CTNND2: variants seen among roughly 807,000 people sequenced by gnomAD.
The protein encoded by CTNND2 is catenin delta-2.
In CTNND2, 22 loss-of-function variants were observed where a neutral mutation model predicts 144.4. The ratio of observed to expected loss-of-function variants is 0.15; its 90% CI spans 0.11 to 0.22. The LOEUF is 0.22. Among genes scored for constraint, CTNND2 ranks in the 10% least tolerant of loss-of-function variants. The probability of loss-of-function intolerance (pLI) is 1.00; values close to 1 mark genes in which losing one functional copy is unlikely to be tolerated. For missense variants in CTNND2, 1,353 were observed against 1,618.8 expected, an observed-to-expected ratio of 0.84 and a Z score of 2.82; for synonymous variants, 751 against 695.6, an observed-to-expected ratio of 1.08 and a Z score of -1.25.
intron 3 of CTNND2, among the ~76,000 whole-genome samples, chr5:11,412,361 T>C (rs141834331): frequency 3.7e-4 from 56 of 152,286 alleles, no homozygotes; most frequent in African/African-American, 7.7e-4. Flanking sequence ...TTCTTTACAA[T>C]AGCTTCTCTA....
At chr5:11,567,620 C>A (rs903784221) in intron 2 of CTNND2, among the ~76,000 whole-genome samples, 2 of 152,132 alleles carry the variant, frequency 1.3e-5, no homozygotes, top group Non-Finnish European at 2.9e-5. Context: ...CTTAACCTAC[C>A]ATTTATCCCA....
chr5:11,827,408 T>C (rs1034110982), intron 1 of CTNND2, among the ~76,000 whole-genome samples: 2 of 152,064 alleles, frequency 1.3e-5, no homozygotes, highest in African/African-American at 4.8e-5. Flanking sequence ...CTACCCTTAA[T>C]AAGATGCGAA....
At chr5:11,181,943 T>C (rs200743598) in intron 11 of CTNND2, among the ~76,000 whole-genome samples, 9 of 139,822 alleles carry the variant, frequency 6.4e-5, no homozygotes, top group Non-Finnish European at 1.4e-4. Context: ...GGTGTGTGTG[T>C]GGGGGGGTGC....
intron 16 of CTNND2, among the ~76,000 whole-genome samples, chr5:11,056,672 T>G (rs957439403): frequency 5.3e-5 from 8 of 152,172 alleles, no homozygotes; most frequent in Admixed American, 5.2e-4. Context: ...AGCACTTGAC[T>G]TGAGTTTTGA....
intron 18 of CTNND2, among the ~76,000 whole-genome samples, chr5:11,006,927 CGACTT>C (rs1740549778): frequency 6.6e-6 from 1 of 152,104 alleles, no homozygotes; most frequent in African/African-American, 2.4e-5. Flanking sequence ...CAGGAGAAAA[CGACTT>C]AACAAGAGGC....
intron 1 of CTNND2, among the ~76,000 whole-genome samples, chr5:11,856,820 T>C (rs1034890009): frequency 4.6e-5 from 7 of 152,162 alleles, no homozygotes; most frequent in Non-Finnish European, 1.0e-4. Context: ...ATTTGAACCT[T>C]ATGTGATGAA....
At position 11,209,877 on chromosome 5, in the gene CTNND2, G is replaced by A. The variant is rs537751486; in HGVS notation, c.1762-10216C>T. Reference sequence around the variant, plus strand: ...GTGGAGCTTGCAGTGAGCCGAGATCGCACCACTGCACTCCAGCCTGGGAGA... The same window carrying A: ...GTGGAGCTTGCAGTGAGCCGAGATCACACCACTGCACTCCAGCCTGGGAGA... On this transcript the variant is annotated intron_variant, in intron 10 of 21. Transcript: ENST00000304623. Among the ~76,000 whole-genome samples the A allele has an allele frequency of 4.9e-4, 75 of 152,028 alleles. 1 individual carries two copies. In the South Asian group the frequency reaches 0.014, roughly 29 times the overall value.
rs73048043 is a variant in CTNND2 at position 11,461,704 on chromosome 5, C to T, written c.288-49635G>A. 1.1e-3 allele frequency among the ~76,000 whole-genome samples: 175 copies of T among 152,220 alleles called. 3 individuals are homozygous for T. Among genetic ancestry groups the T allele is most frequent in the African/African-American group, 4.1e-3 (172 of 41,552 alleles). ...GATTTTAGGCATCATTCAGCCAACA[C>T]TTCTTGTAAACAAAGAAACAAAAGA... On this transcript the variant is annotated intron_variant, in intron 3 of 21. Transcript: ENST00000304623.
Position 10,988,176 on chromosome 5 carries a change from G to A in CTNND2, c.3278C>T (p.Thr1093Ile), listed in dbSNP as rs753608999. ...LKERKTDYEC[T>I]GSNATYHGAK... Reference sequence around the variant, plus strand: ...TCCGTGGTAGGTGGCGTTGCTGCCGGTGCACTCGTAGTCTGTTTTCCTTTC... The same window carrying A: ...TCCGTGGTAGGTGGCGTTGCTGCCGATGCACTCGTAGTCTGTTTTCCTTTC... Residue 1093 changes from threonine (T) to isoleucine (I), a missense_variant, in exon 20 of 22, where the codon ACC becomes ATC. By Grantham distance (89) the Thr-to-Ile change is moderately conservative. Transcript: ENST00000304623. The surrounding 1 kb of genome is among the most constrained non-coding windows in gnomAD (Gnocchi z 5.9). 1.5e-5 allele frequency: 25 copies of A among 1,614,208 alleles called. No homozygotes were observed. The highest frequency in any genetic ancestry group is 5.5e-5 in the South Asian group (5 of 91,080).
intron 17 of CTNND2, among the ~76,000 whole-genome samples, chr5:11,018,820 C>T (rs1741911661): frequency 6.6e-6 from 1 of 151,262 alleles, no homozygotes. Context: ...AAGCGATTCT[C>T]CTTCCTCAGC....
chr5:11,727,030 C>G (rs1386092982), intron 2 of CTNND2, among the ~76,000 whole-genome samples: 1 of 152,114 alleles, frequency 6.6e-6, no homozygotes. Context: ...ATCCAGAGTT[C>G]TAGAATTATT....
At chr5:11,317,890 G>A (rs1015891093) in intron 9 of CTNND2, among the ~76,000 whole-genome samples, 1 of 152,162 alleles carries the variant, frequency 6.6e-6, no homozygotes, top group African/African-American at 2.4e-5. Context: ...AGGGTGCAGG[G>A]CTTCAAATGT....
At position 11,526,531 on chromosome 5, in the gene CTNND2, G is replaced by T. The variant is rs566642661; in HGVS notation, c.287+38413C>A. ...GCCCAGCTGGCTGAGGACAGGGGCA[G>T]CTGGTGCCTTCGGTAGAATCACGCC... On this transcript the variant is annotated intron_variant, in intron 3 of 21. Coordinates refer to ENST00000304623, the MANE Select transcript of CTNND2 (RefSeq NM_001332.4). 9.2e-5 allele frequency among the ~76,000 whole-genome samples: 14 copies of T among 152,302 alleles called. No individual in the cohort carries two copies. The East Asian group carries it at 2.3e-3, about 25-fold the overall frequency.
intron 1 of CTNND2, among the ~76,000 whole-genome samples, chr5:11,781,918 G>A (rs879360450): frequency 3.3e-5 from 5 of 152,134 alleles, no homozygotes; most frequent in Non-Finnish European, 7.3e-5. Context: ...ATCATCTAGG[G>A]TTTCTAAAAA....
chr5:11,415,035 A>G (rs1761832068), intron 3 of CTNND2, among the ~76,000 whole-genome samples: 1 of 152,106 alleles, frequency 6.6e-6, no homozygotes, highest in African/African-American at 2.4e-5. Flanking sequence ...TGTCTTTGCT[A>G]TTGTAAATAG....
intron 3 of CTNND2, among the ~76,000 whole-genome samples, chr5:11,430,993 T>C (rs1763242169): frequency 6.6e-6 from 1 of 152,238 alleles, no homozygotes; most frequent in South Asian, 2.1e-4. Context: ...CTTTAAAGGA[T>C]ATCATAAAGA....
chr5:11,489,637 A>G (rs1438340359), intron 3 of CTNND2, among the ~76,000 whole-genome samples: 1 of 152,190 alleles, frequency 6.6e-6, no homozygotes, highest in African/African-American at 2.4e-5. Context: ...ATGTAACCAA[A>G]TATGCAGAGA....
At chr5:11,233,595 T>C (rs955266059) in intron 10 of CTNND2, among the ~76,000 whole-genome samples, 1 of 152,214 alleles carries the variant, frequency 6.6e-6, no homozygotes, top group Non-Finnish European at 1.5e-5. Flanking sequence ...TGTCTGTGTA[T>C]GAAAACACGA....
At chr5:11,705,472 T>C (rs1785649597) in intron 2 of CTNND2, among the ~76,000 whole-genome samples, 3 of 152,230 alleles carry the variant, frequency 2.0e-5, no homozygotes. Context: ...TATGAAAATA[T>C]ATGTATATGT....
Sources: gnomAD v4.1 joint callset for allele counts (sites outside exome capture counted in the v4.1 genomes callset) on GRCh38, gnomAD v4.1.1 for gene constraint, Gnocchi (gnomAD v3.1) non-coding constraint, MANE v1.5 for transcripts, NCBI Gene and HGNC (gene_info 2026-07-23, HGNC 2026-07-21) for gene names.